Variants in MAPRE2 observed in about 807,000 individuals in gnomAD.
MAPRE2 encodes the protein microtubule associated protein RP/EB family member 2.
In MAPRE2, 13 loss-of-function variants were observed where a neutral mutation model predicts 43.2. The ratio of observed to expected loss-of-function variants is 0.30; its 90% CI spans 0.20 to 0.48. The LOEUF (loss-of-function observed/expected upper bound fraction) is 0.48. Among genes scored for constraint, MAPRE2 ranks in the 20% least tolerant of loss-of-function variants. MAPRE2 has a pLI of 0.99. For synonymous variants in MAPRE2, 135 were observed against 148.8 expected (o/e 0.91, Z 0.68); for missense variants, 161 against 400.2 (o/e 0.40, Z 5.10).
intron 1 of MAPRE2, among the ~76,000 whole-genome samples, chr18:35,067,700 C>T (rs1906903520): frequency 6.6e-6 from 1 of 152,116 alleles, no homozygotes; most frequent in Admixed American, 6.5e-5. Context: ...CCATTACTGC[C>T]TGAAGAAGAA....
intron 2 of MAPRE2, among the ~76,000 whole-genome samples, chr18:35,034,758 A>G (rs1353262280): frequency 1.3e-5 from 2 of 152,266 alleles, no homozygotes; most frequent in African/African-American, 2.4e-5. Context: ...GGCACATGAA[A>G]AAATGCTCAC....
At chr18:35,119,669 G>A (rs1909583220) in intron 4 of MAPRE2, among the ~76,000 whole-genome samples, 1 of 152,210 alleles carries the variant, frequency 6.6e-6, no homozygotes, top group South Asian at 2.1e-4. Context: ...GAGCCCATTG[G>A]TGGGTTATGG....
At chr18:35,048,947 A>G (rs927667445) in intron 1 of MAPRE2, among the ~76,000 whole-genome samples, 3 of 152,214 alleles carry the variant, frequency 2.0e-5, no homozygotes, top group Non-Finnish European at 4.4e-5. Flanking sequence ...TTTATGGCCA[A>G]TGTTTGTTGT....
At chr18:35,079,909 C>T (rs1264963195) in intron 2 of MAPRE2, among the ~76,000 whole-genome samples, 1 of 152,224 alleles carries the variant, frequency 6.6e-6, no homozygotes, top group African/African-American at 2.4e-5. Context: ...GTGTTTTGTG[C>T]ATGTACATTG....
intron 4 of MAPRE2, among the ~76,000 whole-genome samples, chr18:35,116,643 T>C (rs1909423338): frequency 1.3e-5 from 2 of 152,186 alleles, no homozygotes; most frequent in East Asian, 3.9e-4. Context: ...CTCCATGCCT[T>C]ATGGGCTTTT....
intron 1 of MAPRE2, among the ~76,000 whole-genome samples, chr18:35,063,999 TTAAAAAAAAAAAA>T (rs1407591750): frequency 2.8e-4 from 17 of 60,694 alleles, no homozygotes; most frequent in Admixed American, 2.0e-4. Context: ...CCCTGTCTCT[TTAAAAAAAAAAAA>T]AAAAAAAAAA....
intron 4 of MAPRE2, among the ~76,000 whole-genome samples, chr18:35,104,310 A>G (rs1908807303): frequency 6.6e-6 from 1 of 152,190 alleles, no homozygotes; most frequent in Non-Finnish European, 1.5e-5. Context: ...AAGTGGAGGC[A>G]GTAAGAGTAG....
At chr18:35,046,762 C>G (rs1351824670) in intron 1 of MAPRE2, among the ~76,000 whole-genome samples, 1 of 152,172 alleles carries the variant, frequency 6.6e-6, no homozygotes, top group East Asian at 1.9e-4. Context: ...GTGCAGAGAT[C>G]AGGACTAGGT....
chr18:34,994,002 T>C (rs985359453), intron 1 of MAPRE2, among the ~76,000 whole-genome samples: 2 of 151,628 alleles, frequency 1.3e-5, no homozygotes, highest in Non-Finnish European at 2.9e-5. Flanking sequence ...CTTTTTTTTT[T>C]TTTTTTTTTT....
chr18:35,041,697 G>A (rs768000894), intron 1 of MAPRE2, 36 bp downstream of exon 1: 2 of 1,613,502 alleles, frequency 1.2e-6, no homozygotes, highest in Admixed American at 1.7e-5. Context: ...GCCGGGGACC[G>A]CCGTGAGGGC....
chr18:35,132,865 C>A lies in MAPRE2; in HGVS notation c.909+675C>A, dbSNP rs141407320. 5.4e-3 allele frequency among the ~76,000 whole-genome samples: 817 copies of A among 152,110 alleles called. 5 individuals are homozygous for A. Among genetic ancestry groups the A allele is most frequent in the African/African-American group, 0.015 (637 of 41,378 alleles). The stretch of plus-strand genomic sequence containing the variant: ...CAAGGAGAGAAAGCGGGGCAGGATG[C>A]ATGGCAGAGACTGAGGCAAGGCACC... On this transcript the variant is annotated intron_variant, in intron 6 of 6. Transcript: ENST00000300249.
chr18:35,081,784 C>T (rs192873780), intron 2 of MAPRE2, among the ~76,000 whole-genome samples: 3 of 151,896 alleles, frequency 2.0e-5, no homozygotes, highest in African/African-American at 7.2e-5. Flanking sequence ...AGACGTGGAC[C>T]GTGGGTTTGC....
In MAPRE2 at chr18:35,142,675, A is replaced by C. The variant is rs1374724644; in HGVS notation, c.*2306A>C. Reference sequence around the variant, plus strand: ...ACATTCTTCTTTCTGGTCCCATCTTAAACGTCTTCTGTTGTGCTGCACCCC... The same window carrying C: ...ACATTCTTCTTTCTGGTCCCATCTTCAACGTCTTCTGTTGTGCTGCACCCC... On this transcript the variant is annotated 3_prime_UTR_variant, in exon 7 of 7. Transcript: ENST00000300249. The C allele has an allele frequency of 6.6e-6, 1 of 152,220 alleles. No homozygotes were observed. Among genetic ancestry groups the C allele is most frequent in the Non-Finnish European group, 1.5e-5 (1 of 68,072 alleles). 9.4% of individuals were successfully genotyped at this position (152,220 alleles called of 1,614,324 possible).
intron 1 of MAPRE2, among the ~76,000 whole-genome samples, chr18:35,047,733 C>CACTGTGTT (rs1905708249): frequency 3.2e-4 from 33 of 104,230 alleles, no homozygotes; most frequent in African/African-American, 1.0e-3. Flanking sequence ...AAAAAAAAAA[C>CACTGTGTT]ACTGTGTTTT....
intron 1 of MAPRE2, chr18:34,978,611 C>CA (rs34611575): frequency 2.4e-5 from 32 of 1,334,072 alleles, no homozygotes; most frequent in Non-Finnish European, 3.0e-5. Context: ...TTTTATCAAG[C>CA]AAAAAGGGGT....
chr18:34,979,119 G>T (rs2097014763), intron 1 of MAPRE2, among the ~76,000 whole-genome samples: 1 of 152,160 alleles, frequency 6.6e-6, no homozygotes, highest in South Asian at 2.1e-4. Context: ...ACACCCTGGG[G>T]CGGGGAACTG....
chr18:35,018,201 T>A (rs1329832565), intron 2 of MAPRE2, among the ~76,000 whole-genome samples: 1 of 152,054 alleles, frequency 6.6e-6, no homozygotes, highest in Non-Finnish European at 1.5e-5. Flanking sequence ...TGCTGTTGGA[T>A]TTAACTTGCT....
intron 2 of MAPRE2, among the ~76,000 whole-genome samples, chr18:35,010,218 C>G (rs1568970704): frequency 1.3e-5 from 2 of 152,026 alleles, no homozygotes; most frequent in Non-Finnish European, 2.9e-5. Context: ...AAGACCTCAT[C>G]TCTCTACAAA....
In MAPRE2 at chr18:35,031,753, CT is replaced by C. The variant is rs61607366; in HGVS notation, c.-8+26204del. On this transcript the variant is annotated intron_variant, in intron 2 of 7. Transcript: ENST00000413393. ...CAAGTATGAGACTTAAAAATTCTGC[CT>C]TTTGAGCATAAATAATCTGCAAAGA... Among the ~76,000 whole-genome samples the C allele has an allele frequency of 6.6e-3, 1,002 of 152,314 alleles. 13 individuals carry two copies. The highest frequency in any genetic ancestry group is 0.023 in the African/African-American group (959 of 41,570).
Sources: gnomAD v4.1 joint callset for allele counts (sites outside exome capture counted in the v4.1 genomes callset) on GRCh38, gnomAD v4.1.1 for gene constraint, MANE v1.5 for transcripts, NCBI Gene and HGNC (gene_info 2026-07-23, HGNC 2026-07-21) for gene names.